GSE1: variants seen among roughly 807,000 people sequenced by gnomAD.
GSE1 encodes the protein genetic suppressor element 1.
Under a neutral mutation model 112.6 loss-of-function variants are expected in GSE1, and 32 were observed. The observed-to-expected ratio is 0.28, with a 90% CI of 0.21 to 0.38. GSE1 has a LOEUF of 0.38. Among genes scored for constraint, GSE1 ranks in the 10% least tolerant of loss-of-function variants. The pLI is 1.00. For synonymous variants in GSE1, 1,115 were observed against 735.6 expected (o/e 1.52, Z -8.35); for missense variants, 2,348 against 1,699.2 (o/e 1.38, Z -6.71).
intron 1 of GSE1, among the ~76,000 whole-genome samples, chr16:85,584,826 G>T (rs1386950741): frequency 6.6e-6 from 1 of 152,146 alleles, no homozygotes; most frequent in Non-Finnish European, 1.5e-5. Context: ...GGGTGTGGGG[G>T]TGGCTCTGCA....
upstream of GSE1, among the ~76,000 whole-genome samples, chr16:85,608,551 C>A (rs951366550): frequency 6.6e-6 from 1 of 152,094 alleles, no homozygotes; most frequent in Admixed American, 6.5e-5. Flanking sequence ...GTGTATCTTT[C>A]TTAATAATCA....
rs76399027 is a variant in GSE1 at position 85,284,712 on chromosome 16, G to A, written c.2284-72751G>A. Among the ~76,000 whole-genome samples, 121 of 152,274 alleles carry A rather than the reference G, an allele frequency of 7.9e-4. 2 individuals carry two copies. The East Asian group carries it at 0.02, about 25-fold the overall frequency. On this transcript the variant is annotated intron_variant, in intron 1 of 2. Coordinates refer to the GSE1 transcript ENST00000637419. ...TCGTTCAGGCTGGAGGGATCGTGGG[G>A]AAAATGGTGGCTCATGGAATACTAA... is the stretch of plus-strand genomic sequence containing the variant.
At chr16:85,369,342 A>G (rs974874595) in intron 2 of GSE1, among the ~76,000 whole-genome samples, 1 of 151,888 alleles carries the variant, frequency 6.6e-6, no homozygotes, top group Non-Finnish European at 1.5e-5. Flanking sequence ...TTAGCCTCCC[A>G]AGTAGCTGGG....
At chr16:85,512,406 C>A (rs1200253719) in intron 2 of GSE1, among the ~76,000 whole-genome samples, 1 of 152,164 alleles carries the variant, frequency 6.6e-6, no homozygotes, top group African/African-American at 2.4e-5. Flanking sequence ...CCACACTCGC[C>A]GTGCTTCTGC....
At chr16:85,414,761 A>T (rs2048665737) in intron 2 of GSE1, among the ~76,000 whole-genome samples, 1 of 152,064 alleles carries the variant, frequency 6.6e-6, no homozygotes, top group Non-Finnish European at 1.5e-5. Context: ...CAGCCTCCTG[A>T]ATAACTGGGA....
intron 1 of GSE1, among the ~76,000 whole-genome samples, chr16:85,603,902 A>C (rs2047571595): frequency 6.6e-6 from 1 of 152,226 alleles, no homozygotes. Context: ...CATTCCTAAT[A>C]TGCAGCCCTC....
chr16:85,245,718 A>T (rs1179900789), intron 1 of GSE1, among the ~76,000 whole-genome samples: 1 of 152,168 alleles, frequency 6.6e-6, no homozygotes, highest in Non-Finnish European at 1.5e-5. Context: ...TTAATAGAAA[A>T]AAAGTGTCCT....
chr16:85,626,259 C>G (rs75404435), intron 1 of GSE1, among the ~76,000 whole-genome samples: 10,042 of 152,202 alleles, frequency 0.066, 820 homozygotes, highest in African/African-American at 0.2. Flanking sequence ...CTTTGTGCCA[C>G]TGAGCTTGGA....
chr16:85,432,893 T>C (rs16975611), intron 2 of GSE1, among the ~76,000 whole-genome samples: 10,431 of 152,166 alleles, frequency 0.069, 526 homozygotes, highest in East Asian at 0.31. Flanking sequence ...TGCAGCTCTA[T>C]ACGGGTCATC....
intron 1 of GSE1, among the ~76,000 whole-genome samples, chr16:85,327,688 A>C (rs1031522935): frequency 1.2e-4 from 18 of 152,218 alleles, no homozygotes; most frequent in African/African-American, 4.3e-4. Context: ...CATTTTTGGA[A>C]ACTAGAATCT....
chr16:85,669,225 G>C lies in GSE1; in HGVS notation c.3415+801G>C, dbSNP rs143216400. Among the ~76,000 whole-genome samples, 628 of 152,386 alleles carry C rather than the reference G, an allele frequency of 4.1e-3. 4 individuals are homozygous for C. Among genetic ancestry groups the C allele is most frequent in the African/African-American group, 0.015 (603 of 41,586 alleles). On this transcript the variant is annotated intron_variant, in intron 14 of 15. Transcript: ENST00000253458. ...TGCACTCACCATCCTTACTGCGTGG[G>C]CACTGCTGGGTATGCGCTTTGACAA...
At chr16:85,517,374 G>A (rs1234831810) in intron 2 of GSE1, among the ~76,000 whole-genome samples, 2 of 152,200 alleles carry the variant, frequency 1.3e-5, no homozygotes, top group Non-Finnish European at 2.9e-5. Flanking sequence ...TGGGGCAATA[G>A]AGCTGCCAGT....
At chr16:85,631,034 C>T (rs544573824) in intron 1 of GSE1, among the ~76,000 whole-genome samples, 4 of 152,254 alleles carry the variant, frequency 2.6e-5, no homozygotes, top group African/African-American at 9.6e-5. Context: ...TTGCGTTCCC[C>T]GGGGCCCTGC....
chr16:85,613,867 G>A (rs920009765), intron 1 of GSE1, among the ~76,000 whole-genome samples: 1 of 148,756 alleles, frequency 6.7e-6, no homozygotes, highest in Non-Finnish European at 1.5e-5. Context: ...TGTGGGGGGG[G>A]GGGGTGCTCG....
chr16:85,605,371 C>T (rs529323771), intron 1 of GSE1, among the ~76,000 whole-genome samples: 1 of 152,202 alleles, frequency 6.6e-6, no homozygotes, highest in Admixed American at 6.5e-5. Flanking sequence ...GACCGACCTC[C>T]CTGCCCATCT....
chr16:85,448,604 G>T (rs1167117946), intron 2 of GSE1, among the ~76,000 whole-genome samples: 1 of 152,212 alleles, frequency 6.6e-6, no homozygotes, highest in African/African-American at 2.4e-5. Flanking sequence ...CGACCCTGTG[G>T]CCATTTCCTG....
intron 1 of GSE1, among the ~76,000 whole-genome samples, chr16:85,300,124 G>A (rs1450866544): frequency 2.6e-5 from 4 of 151,774 alleles, no homozygotes; most frequent in African/African-American, 9.7e-5. Context: ...TGATTCTCCT[G>A]CCTCAGCCTC....
At chr16:85,294,154 C>G (rs1392296918) in intron 1 of GSE1, among the ~76,000 whole-genome samples, 1 of 152,230 alleles carries the variant, frequency 6.6e-6, no homozygotes, top group Admixed American at 6.5e-5. Flanking sequence ...ATCTCTCCAG[C>G]TGCAGATGAG....
chr16:85,292,036 C>A (rs2968430), intron 1 of GSE1, among the ~76,000 whole-genome samples: 1 of 152,090 alleles, frequency 6.6e-6, no homozygotes, highest in Non-Finnish European at 1.5e-5. Flanking sequence ...TGCCGCCCCC[C>A]ATATTCCCAG....
Sources: gnomAD v4.1 joint callset for allele counts (sites outside exome capture counted in the v4.1 genomes callset) on GRCh38, gnomAD v4.1.1 for gene constraint, MANE v1.5 for transcripts, NCBI Gene and HGNC (gene_info 2026-07-23, HGNC 2026-07-21) for gene names.